The following OPRM1 variants were observed in gnomAD, a reference collection of about 807,000 sequenced individuals.
OPRM1 encodes opioid receptor mu 1, also known as mu-type opioid receptor.
OPRM1 carries 27 observed loss-of-function variants against 31.8 expected under a neutral mutation model. That is an observed-to-expected ratio of 0.85 (90% CI 0.63 to 1.17). The LOEUF (loss-of-function observed/expected upper bound fraction) is 1.17. Among genes scored for constraint, OPRM1 ranks in the 50% most tolerant of loss-of-function variants. OPRM1 has a pLI of 0.00. For synonymous variants in OPRM1, 196 were observed against 189.9 expected, an observed-to-expected ratio of 1.03 and a Z score of -0.26; for missense variants, 536 against 511.1, an observed-to-expected ratio of 1.05 and a Z score of -0.47.
At chr6:154,200,084 T>A (rs1776940069) in intron 3 of OPRM1, 1 of 1,517,834 alleles carries the variant, frequency 6.6e-7, no homozygotes, top group South Asian at 1.3e-5. Context: ...AAAGACATCA[T>A]GATTAAACCA....
At chr6:154,105,542 T>A (rs780308450) in intron 3 of OPRM1, among the ~76,000 whole-genome samples, 8 of 152,206 alleles carry the variant, frequency 5.3e-5, no homozygotes, top group Non-Finnish European at 1.0e-4. Context: ...ATAAATCATC[T>A]TCTAAAGAGG....
chr6:154,152,837 C>G (rs949955042), intron 3 of OPRM1, among the ~76,000 whole-genome samples: 1 of 151,958 alleles, frequency 6.6e-6, no homozygotes, highest in Admixed American at 6.6e-5. Flanking sequence ...TCAAAGGATA[C>G]TCCTGCCTCA....
intron 1 of OPRM1, among the ~76,000 whole-genome samples, chr6:154,050,332 T>C (rs12374622): frequency 6.6e-6 from 1 of 152,220 alleles, no homozygotes; most frequent in Non-Finnish European, 1.5e-5. Flanking sequence ...CAGCTAAGAT[T>C]TGGAAGCAAC....
intron 1 of OPRM1, among the ~76,000 whole-genome samples, chr6:154,040,291 G>A (rs969164551): frequency 1.3e-5 from 2 of 151,932 alleles, no homozygotes; most frequent in South Asian, 2.1e-4. Flanking sequence ...GTGGCGGGGG[G>A]AGCAGTCTCA....
At chr6:154,173,097 TAACA>T (rs1800010655) in intron 3 of OPRM1, among the ~76,000 whole-genome samples, 1 of 152,138 alleles carries the variant, frequency 6.6e-6, no homozygotes, top group African/African-American at 2.4e-5. Context: ...CAAGGAAAAC[TAACA>T]AACAGAAAGA....
At chr6:154,086,864 G>T in intron 1 of OPRM1, 1 of 984,056 alleles carries the variant, frequency 1.0e-6, no homozygotes, top group African/African-American at 1.7e-5. Context: ...TTTCTCTTTT[G>T]GGGAGAAACT....
At chr6:154,107,478 T>A (rs1795752984) in intron 3 of OPRM1, 1 of 718,462 alleles carries the variant, frequency 1.4e-6, no homozygotes, top group Admixed American at 2.0e-5. Context: ...GAATTGAACC[T>A]GGACTGTCAC....
chr6:154,192,799 A>G (rs1464693272), intron 3 of OPRM1, among the ~76,000 whole-genome samples: 4 of 152,340 alleles, frequency 2.6e-5, no homozygotes, highest in Non-Finnish European at 5.9e-5. Flanking sequence ...ATTGCCAGGG[A>G]AATGCAAATC....
intron 3 of OPRM1, among the ~76,000 whole-genome samples, chr6:154,230,271 C>T (rs1174475536): frequency 6.6e-6 from 1 of 152,102 alleles, no homozygotes; most frequent in Non-Finnish European, 1.5e-5. Context: ...TAACAAATCT[C>T]CCATGCAGAT....
chr6:154,140,954 A>G (rs1479184565), intron 3 of OPRM1, among the ~76,000 whole-genome samples: 1 of 152,168 alleles, frequency 6.6e-6, no homozygotes, highest in Non-Finnish European at 1.5e-5. Flanking sequence ...TGACTCACGT[A>G]TGGCCCCAGC....
At position 154,039,634 on chromosome 6, in the gene OPRM1, C is replaced by A. The variant is rs1779617857; in HGVS notation, c.90C>A (p.Ser30=). ...GCTCCCCAGCACCCAGCCCCGGTTCCTGGGTCAACTTGTCCCACTTAGATG... is the reference window on the plus strand; with the variant it reads ...GCTCCCCAGCACCCAGCCCCGGTTCATGGGTCAACTTGTCCCACTTAGATG... ...SSCSPAPSPG[S]WVNLSHLDGN... is the part of the protein sequence containing the mutation. The change falls in exon 1 of 4, where the codon TCC becomes TCA. Residue 30 remains serine (S), a synonymous_variant. Transcript: ENST00000330432. 1.2e-6 allele frequency: 2 copies of A among 1,613,670 alleles called. No individual in the cohort carries two copies. Among genetic ancestry groups the A allele is most frequent in the Non-Finnish European group, 1.7e-6 (2 of 1,179,686 alleles).
intron 3 of OPRM1, among the ~76,000 whole-genome samples, chr6:154,200,413 A>G (rs1432574127): frequency 6.6e-6 from 1 of 152,236 alleles, no homozygotes; most frequent in African/African-American, 2.4e-5. Context: ...CTGATGGAAC[A>G]AGAAAGATAA....
chr6:154,152,170 C>CA (rs11404098), intron 3 of OPRM1, among the ~76,000 whole-genome samples: 54,301 of 106,802 alleles, frequency 0.51, 11,677 homozygotes, highest in Middle Eastern at 0.6. Context: ...ACTTTGAAAA[C>CA]AAAAAAAAAA....
Position 154,039,295 on chromosome 6 carries a change from G to T in OPRM1, c.-250G>T. 1 of 1,551,228 alleles carries T rather than the reference G, an allele frequency of 6.4e-7. No homozygotes were observed. Among genetic ancestry groups the T allele is most frequent in the Non-Finnish European group, 8.7e-7 (1 of 1,146,764 alleles). ...TGGCCCACGCTCCCCTCCTGCAGCG[G>T]TGCGGGGCAGGTGATGAGCCTCTGT... On this transcript the variant is annotated 5_prime_UTR_variant, in exon 1 of 4. Transcript: ENST00000330432.
At chr6:154,114,191 A>G (rs6920667) in intron 3 of OPRM1, among the ~76,000 whole-genome samples, 1 of 152,180 alleles carries the variant, frequency 6.6e-6, no homozygotes, top group Admixed American at 6.5e-5. Context: ...AAATAGTCCA[A>G]TTAAGTGCCA....
intron 3 of OPRM1, among the ~76,000 whole-genome samples, chr6:154,139,988 A>G (rs13203628): frequency 0.26 from 39,538 of 152,114 alleles, 5,468 homozygotes; most frequent in African/African-American, 0.34. Context: ...GCCAAAAGCA[A>G]TTGAGGAAGC....
In OPRM1 at chr6:154,230,020, T is replaced by TA. The variant is rs901873593; in HGVS notation, c.1165-16672dup. ...AGGAAGTGTCCAGAAAGGGCAAATC[T>TA]ATAGAGACAGAAAGCAGGACGGTGG... is the stretch of plus-strand genomic sequence containing the variant. On this transcript the variant is annotated intron_variant, in intron 3 of 3. Coordinates refer to the OPRM1 transcript ENST00000337049. Among the ~76,000 whole-genome samples the TA allele has an allele frequency of 6.6e-5, 10 of 152,222 alleles. 1 individual carries two copies. The highest frequency in any genetic ancestry group is 2.6e-4 in the Admixed American group (4 of 15,298).
intron 1 of OPRM1, among the ~76,000 whole-genome samples, chr6:154,045,053 T>A (rs542854116): frequency 6.6e-6 from 1 of 152,004 alleles, no homozygotes; most frequent in South Asian, 2.1e-4. Flanking sequence ...GGTGAAATGC[T>A]GTGTCTACTA....
intron 1 of OPRM1, among the ~76,000 whole-genome samples, chr6:154,023,170 T>A (rs1389075139): frequency 6.6e-6 from 1 of 152,218 alleles, no homozygotes; most frequent in Non-Finnish European, 1.5e-5. Context: ...TATTGATTCT[T>A]CAAATACATG....
Sources: allele counts gnomAD v4.1 joint callset (sites outside exome capture counted in the v4.1 genomes callset), GRCh38; gene constraint gnomAD v4.1.1; transcripts MANE v1.5; gene names NCBI Gene and HGNC (gene_info 2026-07-23, HGNC 2026-07-21).